KIAA1958: variants seen among roughly 807,000 people sequenced by gnomAD.
The protein encoded by KIAA1958 is uncharacterized protein KIAA1958.
KIAA1958 carries 14 observed loss-of-function variants against 47.2 expected under a neutral mutation model. The observed-to-expected ratio is 0.30, with a 90% CI of 0.20 to 0.46. KIAA1958 has a LOEUF of 0.46. KIAA1958 is among the 20% of genes least tolerant of loss of function. The pLI is 1.00. For synonymous variants in KIAA1958, 354 were observed against 353.3 expected (o/e 1.00, Z -0.02); for missense variants, 803 against 909.2 (o/e 0.88, Z 1.50).
chr9:112,508,021 T>C (rs1217793950), intron 1 of KIAA1958, among the ~76,000 whole-genome samples: 2 of 152,164 alleles, frequency 1.3e-5, no homozygotes, highest in Non-Finnish European at 2.9e-5. Context: ...TAAATACATA[T>C]CTATATATAC....
chr9:112,604,698 T>G (rs1836194134), intron 2 of KIAA1958, among the ~76,000 whole-genome samples: 1 of 152,032 alleles, frequency 6.6e-6, no homozygotes, highest in Non-Finnish European at 1.5e-5. Flanking sequence ...TTAATATGCA[T>G]TTTTGAAAAC....
intron 1 of KIAA1958, among the ~76,000 whole-genome samples, chr9:112,544,058 C>A (rs1834989268): frequency 6.6e-6 from 1 of 152,030 alleles, no homozygotes; most frequent in Non-Finnish European, 1.5e-5. Context: ...TCTCTATTGT[C>A]TTAGTAAAGA....
intron 2 of KIAA1958, among the ~76,000 whole-genome samples, chr9:112,639,192 T>C (rs1297380324): frequency 6.6e-6 from 1 of 152,128 alleles, no homozygotes; most frequent in Non-Finnish European, 1.5e-5. Context: ...CCTAACAGTG[T>C]CTTTTATTGG....
At chr9:112,627,597 T>TA (rs1836639604) in intron 2 of KIAA1958, among the ~76,000 whole-genome samples, 1 of 151,986 alleles carries the variant, frequency 6.6e-6, no homozygotes. Flanking sequence ...CTACTAAAAA[T>TA]ACAAAAATTA....
At chr9:112,578,103 C>T (rs1415956623) in intron 2 of KIAA1958, among the ~76,000 whole-genome samples, 1 of 152,090 alleles carries the variant, frequency 6.6e-6, no homozygotes, top group East Asian at 1.9e-4. Context: ...ACTGTTTGAA[C>T]TGGAAACAGC....
At position 112,611,741 on chromosome 9, in the gene KIAA1958, CTTAT is replaced by C. The variant is rs1836331283; in HGVS notation, c.1172-33906_1172-33903del. 2.6e-5 allele frequency among the ~76,000 whole-genome samples: 4 copies of C among 152,062 alleles called. No homozygotes were observed. In the South Asian group the frequency reaches 8.3e-4, roughly 32 times the overall value. ...AAAATGATAGGAGCTGATTCTAAAG[CTTAT>C]TTGTTATACAAAAGTTTTAAAATAT... On this transcript the variant is annotated intron_variant, in intron 2 of 3. Transcript: ENST00000337530.
intron 1 of KIAA1958, among the ~76,000 whole-genome samples, chr9:112,503,551 A>T (rs2132768167): frequency 7.2e-6 from 1 of 139,226 alleles, no homozygotes; most frequent in South Asian, 2.4e-4. Context: ...AGGGAGGCTG[A>T]GGCTGCAATG....
In KIAA1958 at chr9:112,574,578, G is replaced by T; in HGVS notation, c.498G>T (p.Arg166Ser). ...EDSDFEPQTQRPQSIARKRPG... is the reference protein window; with the variant it reads ...EDSDFEPQTQSPQSIARKRPG... ...GTGACTTTGAACCCCAAACCCAAAG[G>T]CCTCAAAGCATTGCTCGCAAAAGAC... Residue 166 changes from arginine (R) to serine (S), a missense_variant, in exon 2 of 4, where the codon AGG becomes AGT. Arg to Ser is a moderately radical substitution (Grantham distance 110). Coordinates refer to ENST00000337530, the MANE Select transcript of KIAA1958 (RefSeq NM_133465.4). 6.2e-7 allele frequency: 1 copy of T among 1,614,128 alleles called. No homozygotes were observed. The highest frequency in any genetic ancestry group is 8.5e-7 in the Non-Finnish European group (1 of 1,180,020).
intron 2 of KIAA1958, among the ~76,000 whole-genome samples, chr9:112,578,284 A>G (rs1264356069): frequency 6.6e-6 from 1 of 152,182 alleles, no homozygotes; most frequent in African/African-American, 2.4e-5. Flanking sequence ...CTAAACATAG[A>G]TTTTAAAAAA....
chr9:112,527,284 C>A (rs1285684311), intron 1 of KIAA1958, among the ~76,000 whole-genome samples: 1 of 152,044 alleles, frequency 6.6e-6, no homozygotes, highest in Non-Finnish European at 1.5e-5. Context: ...AGGAGAGAGA[C>A]CTTTTCAAAA....
Position 112,659,956 on chromosome 9 carries a change from G to A in KIAA1958, c.2038G>A (p.Gly680Arg). 1 of 1,614,234 alleles carries A rather than the reference G, an allele frequency of 6.2e-7. No individual in the cohort carries two copies. Among genetic ancestry groups the A allele is most frequent in the Non-Finnish European group, 8.5e-7 (1 of 1,180,042 alleles). The change falls in exon 4 of 4, where the codon GGA becomes AGA. Residue 680 changes from glycine (G) to arginine (R), a missense_variant. Gly to Arg is a moderately radical substitution (Grantham distance 125, BLOSUM62 -2). This residue lies in a region of KIAA1958 where 761 missense variants were observed against 829.3 expected (regional missense o/e 0.92). Transcript: ENST00000337530. Reference protein sequence around the residue: ...EQRMGLRSLRGIVPNLAKKVK... With the variant: ...EQRMGLRSLRRIVPNLAKKVK... ...GAGGATGGGGCTGCGCTCTCTTCGG[G>A]GAATTGTCCCAAACTTAGCCAAGAA...
chr9:112,632,215 T>A (rs1402911670), intron 2 of KIAA1958, among the ~76,000 whole-genome samples: 1 of 152,156 alleles, frequency 6.6e-6, no homozygotes, highest in Non-Finnish European at 1.5e-5. Flanking sequence ...ATATAAAAAT[T>A]GGAATTTTGC....
chr9:112,533,995 C>T (rs556400431), intron 1 of KIAA1958, among the ~76,000 whole-genome samples: 10 of 152,272 alleles, frequency 6.6e-5, no homozygotes, highest in South Asian at 2.1e-4. Flanking sequence ...GACAGTAGAA[C>T]ATAGCTGCTA....
chr9:112,609,054 A>G (rs1310493400), intron 2 of KIAA1958, among the ~76,000 whole-genome samples: 1 of 152,204 alleles, frequency 6.6e-6, no homozygotes, highest in Non-Finnish European at 1.5e-5. Context: ...GATGAAGCCA[A>G]CAGAAGGAGG....
At chr9:112,499,102 C>A (rs2132762858) in intron 1 of KIAA1958, among the ~76,000 whole-genome samples, 1 of 152,256 alleles carries the variant, frequency 6.6e-6, no homozygotes, top group Middle Eastern at 3.4e-3. Flanking sequence ...AATAGTATTC[C>A]ATTGTGTATA....
In KIAA1958 at chr9:112,661,467, G is replaced by A. The variant is rs1588058470; in HGVS notation, c.*1398G>A. On this transcript the variant is annotated 3_prime_UTR_variant, in exon 4 of 4. Transcript: ENST00000337530. ...CTTTATTCCATTATGCTCCTAATATGCTTTCTAATCCCAAATTAAAACTCT... is the reference window on the plus strand; with the variant it reads ...CTTTATTCCATTATGCTCCTAATATACTTTCTAATCCCAAATTAAAACTCT... 6.6e-6 allele frequency: 1 copy of A among 152,270 alleles called. No homozygotes were observed. The allele number at this position is 152,270 out of a possible 1,614,324, so 9.4% of individuals were successfully genotyped here. A position where few individuals can be genotyped will look rare whatever the true frequency, so the allele number is the denominator to read the frequency against.
At chr9:112,586,958 C>T (rs1410311589) in intron 2 of KIAA1958, among the ~76,000 whole-genome samples, 6 of 152,164 alleles carry the variant, frequency 3.9e-5, no homozygotes, top group African/African-American at 1.4e-4. Flanking sequence ...TTTTCATTAG[C>T]AAAGCAGCAG....
At chr9:112,552,571 G>A (rs750516417) in intron 1 of KIAA1958, among the ~76,000 whole-genome samples, 7 of 152,196 alleles carry the variant, frequency 4.6e-5, no homozygotes, top group Non-Finnish European at 1.0e-4. Context: ...TCACATCCTC[G>A]TGAAACAGTG....
At chr9:112,538,540 T>A (rs891705289) in intron 1 of KIAA1958, among the ~76,000 whole-genome samples, 8 of 152,110 alleles carry the variant, frequency 5.3e-5, no homozygotes, top group African/African-American at 1.9e-4. Context: ...CAAAGTGGAT[T>A]TCAGGTTAGA....
Sources: gnomAD v4.1 joint callset for allele counts (sites outside exome capture counted in the v4.1 genomes callset) on GRCh38, gnomAD v4.1.1 for gene constraint, gnomAD v4.1.1 regional missense constraint, MANE v1.5 for transcripts, NCBI Gene and HGNC (gene_info 2026-07-23, HGNC 2026-07-21) for gene names.